RHOBTB2: variants seen among roughly 807,000 people sequenced by gnomAD.
RHOBTB2 encodes rho-related BTB domain-containing protein 2.
A neutral mutation model predicts 66.5 loss-of-function variants in RHOBTB2; 39 were observed. The observed-to-expected ratio is 0.59, with a 90% CI of 0.45 to 0.77. RHOBTB2 has a LOEUF of 0.77. RHOBTB2 is among the 30% of genes least tolerant of loss of function. The probability of loss-of-function intolerance (pLI) is 0.00; values close to 1 mark genes in which losing one functional copy is unlikely to be tolerated. For missense variants in RHOBTB2, 755 were observed against 999.1 expected, an observed-to-expected ratio of 0.76 and a Z score of 3.29; for synonymous variants, 390 against 395.0, an observed-to-expected ratio of 0.99 and a Z score of 0.15.
the RHOBTB2 span, among the ~76,000 whole-genome samples, chr8:22,979,733 CT>C: frequency 1.6e-4 from 18 of 113,712 alleles, no homozygotes; most frequent in African/African-American, 5.3e-4. Flanking sequence ...CTTTTCTTTT[CT>C]TTTCTTTCTT....
chr8:22,963,533 G>GAA, the RHOBTB2 span, among the ~76,000 whole-genome samples: 2 of 147,150 alleles, frequency 1.4e-5, no homozygotes. Flanking sequence ...TTAACAAAGT[G>GAA]AAAAAAAAAA....
chr8:22,968,208 C>A, the RHOBTB2 span, among the ~76,000 whole-genome samples: 2 of 151,030 alleles, frequency 1.3e-5, no homozygotes, highest in Non-Finnish European at 2.9e-5. Context: ...ATATTTTTCA[C>A]AATTAAAATT....
chr8:22,956,113 G>T, the RHOBTB2 span, among the ~76,000 whole-genome samples: 1 of 152,264 alleles, frequency 6.6e-6, no homozygotes, highest in Admixed American at 6.5e-5. Context: ...TACACAAACA[G>T]TACAGAGAAT....
At chr8:23,014,647 G>T (rs1304711140) in intron 7 of RHOBTB2, 43 bp from the exon 8 acceptor site, 1 of 1,563,970 alleles carries the variant, frequency 6.4e-7, no homozygotes, top group Non-Finnish European at 8.8e-7. Flanking sequence ...GTGAGCACAG[G>T]TCATGTGCTT....
rs368384867 is a variant in RHOBTB2 at position 23,017,361 on chromosome 8, C to A, written c.2076C>A (p.His692Gln). The A allele has an allele frequency of 2.5e-5, 41 of 1,614,086 alleles. No individual in the cohort carries two copies. Among genetic ancestry groups the A allele is most frequent in the Non-Finnish European group, 3.1e-5 (37 of 1,180,040 alleles). The part of the protein sequence containing the change: ...RKEREKEDYL[H>Q]LKRQPKRRWL... ...AGCGTGAGAAGGAGGACTACCTCCA[C>A]CTCAAGCGGCAGCCCAAACGGCGTT... is the stretch of plus-strand genomic sequence containing the variant. The change falls in exon 10 of 10, where the codon CAC (histidine) becomes CAA (glutamine). Residue 692 changes from histidine (H) to glutamine (Q), a missense_variant. Physicochemically the swap from His to Gln is conservative, Grantham distance 24. Around this residue, in one of 7 missense-constraint regions of RHOBTB2, gnomAD observed 353 missense variants for 458.2 expected, o/e 0.77. Transcript: ENST00000251822. The surrounding 1 kb of genome is among the most constrained non-coding windows in gnomAD (Gnocchi z 5.3).
chr8:22,996,013 G>A (rs1585182533), upstream of RHOBTB2: 1 of 838,594 alleles, frequency 1.2e-6, no homozygotes, highest in Admixed American at 2.0e-5. Flanking sequence ...CAGCCACAGG[G>A]AGAGCAACGC....
chr8:22,976,132 C>T, the RHOBTB2 span, among the ~76,000 whole-genome samples: 282 of 151,586 alleles, frequency 1.9e-3, 1 homozygote, highest in Middle Eastern at 0.01. Flanking sequence ...GGTGACAGAG[C>T]GAGACTCTGT....
At chr8:22,963,353 A>C in the RHOBTB2 span, among the ~76,000 whole-genome samples, 3 of 152,236 alleles carry the variant, frequency 2.0e-5, no homozygotes, top group Non-Finnish European at 4.4e-5. Flanking sequence ...GTTACAGAGA[A>C]ATGAAGACAC....
At chr8:23,011,052 T>C (rs1472134664) in intron 7 of RHOBTB2, among the ~76,000 whole-genome samples, 2 of 152,176 alleles carry the variant, frequency 1.3e-5, no homozygotes, top group Non-Finnish European at 2.9e-5. Flanking sequence ...CAACATGGTC[T>C]TACCCGTCAT....
the RHOBTB2 span, among the ~76,000 whole-genome samples, chr8:22,962,288 CT>C: frequency 7.4e-6 from 1 of 134,318 alleles, no homozygotes; most frequent in Admixed American, 7.8e-5. Flanking sequence ...AAAGAATTAT[CT>C]TCTGGATGTA....
At position 23,000,818 on chromosome 8, in the gene RHOBTB2, C is replaced by G. The variant is rs932886768; in HGVS notation, c.-11+713C>G. ...ATTTTACCTTCATTTTCAGGATTTTCCTCCCATTCCCATTTTGTAAGATGA... is the reference window on the plus strand; with the variant it reads ...ATTTTACCTTCATTTTCAGGATTTTGCTCCCATTCCCATTTTGTAAGATGA... On this transcript the variant is annotated intron_variant, in intron 1 of 9. Coordinates refer to ENST00000251822, the MANE Select transcript of RHOBTB2 (RefSeq NM_015178.3). 2.6e-5 allele frequency among the ~76,000 whole-genome samples: 4 copies of G among 152,302 alleles called. No homozygotes were observed. The East Asian group carries it at 5.8e-4, about 22-fold the overall frequency.
chr8:22,995,904 G>C (rs1343598188), upstream of RHOBTB2: 3 of 1,550,616 alleles, frequency 1.9e-6, no homozygotes, highest in South Asian at 3.6e-5. Context: ...GCAAAGTGTT[G>C]AAGGGTAAAG....
At chr8:22,951,794 T>C in the RHOBTB2 span, among the ~76,000 whole-genome samples, 2 of 152,198 alleles carry the variant, frequency 1.3e-5, no homozygotes, top group Non-Finnish European at 2.9e-5. Flanking sequence ...GATGTATACG[T>C]GCAGGTCACA....
At chr8:22,968,371 A>T in the RHOBTB2 span, among the ~76,000 whole-genome samples, 12 of 152,198 alleles carry the variant, frequency 7.9e-5, no homozygotes, top group South Asian at 6.2e-4. Context: ...TTAACTTTTT[A>T]AAAAAATATC....
At chr8:23,009,985 G>GA (rs1260366241) in intron 6 of RHOBTB2, among the ~76,000 whole-genome samples, 6 of 152,352 alleles carry the variant, frequency 3.9e-5, no homozygotes, top group Admixed American at 1.3e-4. Context: ...TGAGCAGACA[G>GA]AAAGAAATCA....
chr8:22,953,553 C>A, the RHOBTB2 span, among the ~76,000 whole-genome samples: 12 of 152,144 alleles, frequency 7.9e-5, no homozygotes, highest in Non-Finnish European at 1.3e-4. Context: ...GCAATGGTAA[C>A]CCATAACATA....
rs780664090 is a variant in RHOBTB2, at chr8:23,017,456, C to T, written c.2171C>T (p.Ser724Leu). The part of the protein sequence containing the change: ...AASSSSPSSS[S>L]AVV ...TCCTCCTCATCCCCATCTTCCTCCT[C>T]GGCTGTGGTCTGAGATGCTGCCACC... The change falls in exon 10 of 10, where the codon TCG becomes TTG. Residue 724 changes from serine to leucine, a missense_variant. Transcript: ENST00000251822. This position sits in a 1 kb window ranked among gnomAD's most constrained non-coding sequence, Gnocchi z 5.3. 8.2e-6 allele frequency: 13 copies of T among 1,587,648 alleles called. No homozygotes were observed. The highest frequency in any genetic ancestry group is 1.8e-5 in the Admixed American group (1 of 55,154).
chr8:23,007,283 C>G lies in RHOBTB2; in HGVS notation c.1038C>G (p.Asp346Glu), dbSNP rs777287975. The G allele has an allele frequency of 6.2e-7, 1 of 1,613,602 alleles. No homozygotes were observed. The highest frequency in any genetic ancestry group is 1.7e-5 in the Admixed American group (1 of 60,000). ...RDFLLRAASF[D>E]VCESVDEAGG... ...TCCTGCTCCGAGCAGCCAGCTTTGA[C>G]GTGTGCGAGAGCGTGGATGAGGCTG... is the stretch of plus-strand genomic sequence containing the variant. The change falls in exon 5 of 10, where the codon GAC becomes GAG. Residue 346 changes from aspartate to glutamate, a missense_variant. Transcript: ENST00000251822.
chr8:22,983,496 A>G (rs1378269318), upstream of RHOBTB2, among the ~76,000 whole-genome samples: 1 of 151,890 alleles, frequency 6.6e-6, no homozygotes, highest in Non-Finnish European at 1.5e-5. Context: ...AAGAAAAAAA[A>G]AAAAAAGAAA....
Sources: gnomAD v4.1 joint callset for allele counts (sites outside exome capture counted in the v4.1 genomes callset) on GRCh38, gnomAD v4.1.1 for gene constraint, gnomAD v4.1.1 regional missense constraint, Gnocchi (gnomAD v3.1) non-coding constraint, MANE v1.5 for transcripts, NCBI Gene and HGNC (gene_info 2026-07-23, HGNC 2026-07-21) for gene names.